The following RABGAP1L variants were observed in gnomAD, a reference collection of about 807,000 sequenced individuals.
RABGAP1L encodes the protein rab GTPase-activating protein 1-like.
RABGAP1L carries 63 observed loss-of-function variants against 137.7 expected under a neutral mutation model. The observed-to-expected ratio is 0.46, with a 90% confidence interval of 0.37 to 0.56. The LOEUF (loss-of-function observed/expected upper bound fraction) is 0.56, where lower values mean the gene tolerates loss of function less well. Among genes scored for constraint, RABGAP1L ranks in the 20% least tolerant of loss-of-function variants. RABGAP1L has a pLI of 0.00. For missense variants in RABGAP1L, 1,095 were observed against 1,244.0 expected (o/e 0.88, Z 1.80); for synonymous variants, 431 against 433.7 (o/e 0.99, Z 0.08).
chr1:174,277,404 C>A (rs1040532241), intron 9 of RABGAP1L, among the ~76,000 whole-genome samples: 1 of 151,708 alleles, frequency 6.6e-6, no homozygotes, highest in Non-Finnish European at 1.5e-5. Context: ...TTTTGCATAT[C>A]AAGTTATAAA....
chr1:174,926,346 G>GTGTT (rs567216351), intron 19 of RABGAP1L, among the ~76,000 whole-genome samples: 36 of 152,252 alleles, frequency 2.4e-4, no homozygotes, highest in Non-Finnish European at 5.0e-4. Context: ...GAATAGAAGT[G>GTGTT]TGTTACATTT....
chr1:174,311,928 C>CT (rs1396430397), intron 11 of RABGAP1L, among the ~76,000 whole-genome samples: 2 of 152,146 alleles, frequency 1.3e-5, no homozygotes, highest in African/African-American at 2.4e-5. Context: ...GGATCTTATT[C>CT]TTTTTTATGA....
At chr1:174,243,784 ATTGT>A (rs1192084135) in intron 5 of RABGAP1L, among the ~76,000 whole-genome samples, 2 of 152,136 alleles carry the variant, frequency 1.3e-5, no homozygotes, top group Non-Finnish European at 2.9e-5. Flanking sequence ...TGGATGATAA[ATTGT>A]TTGGTTACCC....
At chr1:174,697,170 A>G (rs980548280) in intron 15 of RABGAP1L, among the ~76,000 whole-genome samples, 2 of 152,278 alleles carry the variant, frequency 1.3e-5, no homozygotes, top group Non-Finnish European at 2.9e-5. Context: ...CAAAAGGCAC[A>G]TAAACCTTTT....
At position 174,706,092 on chromosome 1, in the gene RABGAP1L, CTT is replaced by C. The variant is rs373583388; in HGVS notation, c.2169+3838_2169+3839del. ...AAAAAGAAAGACACTGAGTTTGAAA[CTT>C]TATGCTTAGAAGACGTATCATGACA... On this transcript the variant is annotated intron_variant, in intron 17 of 25. Transcript: ENST00000681986. Among the ~76,000 whole-genome samples the C allele has an allele frequency of 3.6e-3, 552 of 152,246 alleles. 6 individuals carry two copies. Among genetic ancestry groups the C allele is most frequent in the South Asian group, 0.025 (120 of 4,826 alleles).
intron 13 of RABGAP1L, among the ~76,000 whole-genome samples, chr1:174,614,798 A>G (rs1156471353): frequency 1.3e-5 from 2 of 151,800 alleles, no homozygotes; most frequent in Non-Finnish European, 2.9e-5. Context: ...TTTTTCTCTA[A>G]ACTTCCCTTC....
intron 19 of RABGAP1L, among the ~76,000 whole-genome samples, chr1:174,817,578 G>A (rs939659405): frequency 6.6e-6 from 1 of 152,182 alleles, no homozygotes; most frequent in African/African-American, 2.4e-5. Flanking sequence ...GAGCCAGCCA[G>A]CTTGTGCAGA....
At chr1:174,418,194 C>A (rs1261184019) in intron 13 of RABGAP1L, among the ~76,000 whole-genome samples, 1 of 152,218 alleles carries the variant, frequency 6.6e-6, no homozygotes, top group African/African-American at 2.4e-5. Flanking sequence ...AGCTGTACAT[C>A]ACTCCAAAAT....
chr1:174,964,824 A>G, intron 20 of RABGAP1L: 1 of 1,400,390 alleles, frequency 7.1e-7, no homozygotes, highest in Non-Finnish European at 9.3e-7. Context: ...GAGTTATATG[A>G]CACTCAAAGG....
intron 11 of RABGAP1L, among the ~76,000 whole-genome samples, chr1:174,315,484 A>G (rs776486566): frequency 2.1e-4 from 32 of 152,064 alleles, no homozygotes; most frequent in Non-Finnish European, 4.0e-4. Context: ...AGTTTAGTCC[A>G]TTTACATTCA....
intron 1 of RABGAP1L, among the ~76,000 whole-genome samples, chr1:174,194,540 A>T (rs1314402738): frequency 6.6e-6 from 1 of 152,060 alleles, no homozygotes; most frequent in Non-Finnish European, 1.5e-5. Context: ...GGCCGGCTTC[A>T]GTTAATTCTA....
At chr1:174,349,936 C>G (rs866043967) in intron 11 of RABGAP1L, among the ~76,000 whole-genome samples, 5 of 105,568 alleles carry the variant, frequency 4.7e-5, no homozygotes, top group Admixed American at 8.9e-5. Context: ...CCCTCCCGGA[C>G]GGGGCGGCTG....
intron 12 of RABGAP1L, among the ~76,000 whole-genome samples, chr1:174,390,045 A>C (rs975301033): frequency 1.3e-5 from 2 of 152,122 alleles, no homozygotes; most frequent in African/African-American, 4.8e-5. Flanking sequence ...TATTTTTATA[A>C]ATTTCTCTTT....
rs540168336 is a variant in RABGAP1L at position 174,309,977 on chromosome 1, G to T, written c.1465+4850G>T. On this transcript the variant is annotated intron_variant, in intron 11 of 25. Coordinates refer to ENST00000681986, the MANE Select transcript of RABGAP1L (RefSeq NM_001366446.1). ...GTCTTTGTTAGAATTCAGCGATGGA[G>T]CCATCAGGTCCTGAGCTTCCTTTTT... 1.2e-4 allele frequency among the ~76,000 whole-genome samples: 18 copies of T among 152,080 alleles called. 1 individual carries two copies. The highest frequency in any genetic ancestry group is 2.2e-4 in the Non-Finnish European group (15 of 67,940).
chr1:174,563,852 C>CTACA (rs1480647053), intron 13 of RABGAP1L, among the ~76,000 whole-genome samples: 1 of 152,146 alleles, frequency 6.6e-6, no homozygotes, highest in Non-Finnish European at 1.5e-5. Context: ...TCTACCCAGG[C>CTACA]TACACATTTA....
intron 12 of RABGAP1L, among the ~76,000 whole-genome samples, chr1:174,393,254 G>A (rs1308076852): frequency 1.3e-5 from 2 of 152,282 alleles, no homozygotes; most frequent in South Asian, 2.1e-4. Flanking sequence ...AGCACTTGCT[G>A]TTGTAACAAG....
At chr1:174,798,992 A>G (rs1370950254) in intron 18 of RABGAP1L, among the ~76,000 whole-genome samples, 1 of 152,198 alleles carries the variant, frequency 6.6e-6, no homozygotes, top group African/African-American at 2.4e-5. Context: ...ATTTTGAACT[A>G]TGGATAATTT....
intron 13 of RABGAP1L, among the ~76,000 whole-genome samples, chr1:174,546,901 G>T (rs1432015417): frequency 6.6e-6 from 1 of 151,046 alleles, no homozygotes; most frequent in Non-Finnish European, 1.5e-5. Flanking sequence ...GTGGTGGCGG[G>T]CACCTGTAAT....
At chr1:174,625,294 A>G (rs968086924) in intron 13 of RABGAP1L, among the ~76,000 whole-genome samples, 3 of 152,222 alleles carry the variant, frequency 2.0e-5, no homozygotes, top group Admixed American at 1.3e-4. Context: ...GCTAACAGTT[A>G]TATCTTCTAC....
Sources: gnomAD v4.1 joint callset for allele counts (sites outside exome capture counted in the v4.1 genomes callset) on GRCh38, gnomAD v4.1.1 for gene constraint, MANE v1.5 for transcripts, NCBI Gene and HGNC (gene_info 2026-07-23, HGNC 2026-07-21) for gene names.